Variants in HOXA3 observed in about 807,000 individuals in gnomAD.
HOXA3 encodes the protein homeobox A3.
A neutral mutation model predicts 30.3 loss-of-function variants in HOXA3; 8 were observed. The observed-to-expected ratio is 0.26, with a 90% confidence interval of 0.15 to 0.48. The LOEUF is 0.48. Among genes scored for constraint, HOXA3 ranks in the 20% least tolerant of loss-of-function variants. The probability of loss-of-function intolerance (pLI) is 0.99; values close to 1 mark genes in which losing one functional copy is unlikely to be tolerated. For missense variants in HOXA3, 653 were observed against 614.4 expected, an observed-to-expected ratio of 1.06 and a Z score of -0.66; for synonymous variants, 323 against 273.1, an observed-to-expected ratio of 1.18 and a Z score of -1.80.
At chr7:27,145,562 A>T (rs1450185158) in intron 1 of HOXA3, 1 of 1,480,494 alleles carries the variant, frequency 6.8e-7, no homozygotes, top group African/African-American at 1.4e-5. Context: ...AAGCCCCCAG[A>T]TGGGAGCAGG....
chr7:27,143,191 G>C (rs749344683), intron 1 of HOXA3: 4 of 1,611,386 alleles, frequency 2.5e-6, no homozygotes, highest in East Asian at 4.5e-5. Flanking sequence ...CCCCCTCTCT[G>C]CTGCTGATGT....
chr7:27,143,894 C>A (rs564584780), intron 1 of HOXA3, among the ~76,000 whole-genome samples: 2 of 152,178 alleles, frequency 1.3e-5, no homozygotes, highest in African/African-American at 4.8e-5. Flanking sequence ...CGCCAGTTGC[C>A]GCCGTTCAGC....
intron 1 of HOXA3, chr7:27,142,169 G>T: frequency 6.9e-7 from 1 of 1,459,618 alleles, no homozygotes; most frequent in South Asian, 1.3e-5. Context: ...CATGAGCAGG[G>T]AACCCAGGCG....
At chr7:27,141,525 T>G in intron 1 of HOXA3, 1 of 173,970 alleles carries the variant, frequency 5.7e-6, no homozygotes. Context: ...ACTTTTTGTG[T>G]GTTTTTTTTT....
intron 1 of HOXA3, chr7:27,147,675 C>T (rs1782824960): frequency 2.5e-6 from 4 of 1,613,908 alleles, no homozygotes; most frequent in Admixed American, 1.7e-5. Context: ...GGTAGAGGGG[C>T]AGCTGGCCCA....
In HOXA3 at chr7:27,108,581, C is replaced by T. The variant is rs372333189; in HGVS notation, c.666G>A (p.Val222=). 1.2e-6 allele frequency: 2 copies of T among 1,614,072 alleles called. No individual in the cohort carries two copies. The highest frequency in any genetic ancestry group is 2.7e-5 in the African/African-American group (2 of 74,940). Residue 222 remains valine (V), a synonymous_variant, in exon 6 of 6, where the codon GTG becomes GTA. Coordinates refer to ENST00000612286, the MANE Select transcript of HOXA3 (RefSeq NM_153631.3). This position sits in a 1 kb window ranked among gnomAD's most constrained non-coding sequence, Gnocchi z 5.0. ...TGAGGTTCAGCAGATTGGCCATCTC[C>T]ACCCGGCGCGGCCGGCACAGGTAGC... ...FNRYLCRPRR[V]EMANLLNLTE...
At chr7:27,148,812 A>C (rs765641825) in intron 1 of HOXA3, among the ~76,000 whole-genome samples, 1 of 152,238 alleles carries the variant, frequency 6.6e-6, no homozygotes, top group African/African-American at 2.4e-5. Flanking sequence ...CCAGATGTGG[A>C]ATCTCTCTGT....
chr7:27,147,452 C>CG (rs1782810375), intron 1 of HOXA3: 1 of 1,614,078 alleles, frequency 6.2e-7, no homozygotes, highest in Non-Finnish European at 8.5e-7. Flanking sequence ...AGGTAGTCCC[C>CG]GGGGCCCCTC....
intron 2 of HOXA3, among the ~76,000 whole-genome samples, chr7:27,133,438 T>C (rs1015382113): frequency 6.6e-6 from 1 of 152,196 alleles, no homozygotes. Context: ...TGCCCTGAAA[T>C]GTAGCAGAGA....
Position 27,110,597 on chromosome 7 carries a change from C to G in HOXA3, c.44G>C (p.Gly15Ala). ...CCCGTTGGCTGCCTGGTAGGGGTAG[C>G]CACCGTAGATCGCCGAGCTGTCGTA... ...TYYDSSAIYG[G>A]YPYQAANGFA... The change falls in exon 5 of 6, where the codon GGC becomes GCC. Residue 15 changes from glycine to alanine, a missense_variant. Physicochemically the swap from Gly to Ala is moderately conservative, Grantham distance 60. Coordinates refer to ENST00000612286, the MANE Select transcript of HOXA3 (RefSeq NM_153631.3). The G allele has an allele frequency of 6.2e-7, 1 of 1,607,488 alleles. No individual in the cohort carries two copies. Among genetic ancestry groups the G allele is most frequent in the Non-Finnish European group, 8.5e-7 (1 of 1,175,380 alleles).
intron 1 of HOXA3, chr7:27,149,929 A>T (rs2128064108): frequency 6.6e-6 from 1 of 152,324 alleles, no homozygotes; most frequent in East Asian, 1.9e-4. Context: ...CATGTCCCAC[A>T]TAGTGGTGGG....
intron 4 of HOXA3, chr7:27,121,988 A>C (rs1389644189): frequency 6.5e-6 from 1 of 153,016 alleles, no homozygotes; most frequent in East Asian, 1.9e-4. Flanking sequence ...AGCCCTGATG[A>C]AAGAAGGAAG....
At chr7:27,120,420 A>G (rs1246283770) in intron 4 of HOXA3, among the ~76,000 whole-genome samples, 1 of 151,836 alleles carries the variant, frequency 6.6e-6, no homozygotes, top group Non-Finnish European at 1.5e-5. Flanking sequence ...GCATGCCTGT[A>G]ATCCCAGCTA....
chr7:27,137,389 G>T (rs534167422), intron 2 of HOXA3, among the ~76,000 whole-genome samples: 12 of 152,236 alleles, frequency 7.9e-5, no homozygotes, highest in Admixed American at 6.5e-4. Flanking sequence ...CAGCTTGTGG[G>T]AACAAACGAG....
intron 1 of HOXA3, chr7:27,151,629 G>A (rs564523936): frequency 1.1e-5 from 5 of 456,602 alleles, no homozygotes; most frequent in Admixed American, 9.4e-5. Context: ...CTCTCTCATC[G>A]AAAAACCGGG....
intron 5 of HOXA3, among the ~76,000 whole-genome samples, chr7:27,109,234 T>C (rs1305881315): frequency 6.6e-6 from 1 of 152,212 alleles, no homozygotes; most frequent in African/African-American, 2.4e-5. Flanking sequence ...TGGAAGGCCT[T>C]CTCTGCCCAA....
intron 4 of HOXA3, among the ~76,000 whole-genome samples, chr7:27,117,697 T>C (rs1398240269): frequency 1.3e-5 from 2 of 152,110 alleles, no homozygotes; most frequent in East Asian, 1.9e-4. Context: ...CAGCCCCTAA[T>C]CCTCCATCCC....
chr7:27,108,585 C>T lies in HOXA3; in HGVS notation c.662G>A (p.Arg221Gln), dbSNP rs1300835427. The T allele has an allele frequency of 6.2e-7, 1 of 1,614,162 alleles. No individual in the cohort carries two copies. The highest frequency in any genetic ancestry group is 8.5e-7 in the Non-Finnish European group (1 of 1,180,000). The change falls in exon 6 of 6, where the codon CGG (arginine) becomes CAG (glutamine). Residue 221 changes from arginine (R) to glutamine (Q), a missense_variant. Physicochemically the swap from Arg to Gln is conservative, Grantham distance 43. This residue lies in a region of HOXA3 where 320 missense variants were observed against 321.9 expected (regional missense o/e 0.99). Coordinates refer to ENST00000612286, the MANE Select transcript of HOXA3 (RefSeq NM_153631.3). The surrounding 1 kb of genome is among the most constrained non-coding windows in gnomAD (Gnocchi z 5.0). ...HFNRYLCRPRRVEMANLLNLT... is the reference protein window; with the variant it reads ...HFNRYLCRPRQVEMANLLNLT... ...GTTCAGCAGATTGGCCATCTCCACCCGGCGCGGCCGGCACAGGTAGCGGTT... is the reference window on the plus strand; with the variant it reads ...GTTCAGCAGATTGGCCATCTCCACCTGGCGCGGCCGGCACAGGTAGCGGTT...
rs1016959413 is a variant in HOXA3, at chr7:27,140,064, G to A, written c.-390+19C>T. ...CCAAAGTACAAATAAACTTGAAAGC[G>A]CTCAGGAGGCGAGCTTACCTTAACT... is the stretch of plus-strand genomic sequence containing the variant. On this transcript the variant is annotated intron_variant, in intron 2 of 5. Coordinates refer to ENST00000612286, the MANE Select transcript of HOXA3 (RefSeq NM_153631.3). 6.8e-6 allele frequency: 1 copy of A among 146,716 alleles called. No homozygotes were observed. Among genetic ancestry groups the A allele is most frequent in the South Asian group, 2.1e-4 (1 of 4,708 alleles). The allele number at this position is 146,716 out of a possible 1,614,324, so 9.1% of individuals were successfully genotyped here.
Sources: allele counts gnomAD v4.1 joint callset (sites outside exome capture counted in the v4.1 genomes callset), GRCh38; gene constraint gnomAD v4.1.1; regional missense constraint gnomAD v4.1.1; non-coding constraint Gnocchi (gnomAD v3.1); transcripts MANE v1.5; gene names NCBI Gene and HGNC (gene_info 2026-07-23, HGNC 2026-07-21).